Variants in CEP112 observed in about 807,000 individuals in gnomAD.
The protein encoded by CEP112 is centrosomal protein of 112 kDa.
CEP112 carries 127 observed loss-of-function variants against 153.0 expected under a neutral mutation model. That is an observed-to-expected ratio of 0.83 (90% confidence interval 0.72 to 0.96). The LOEUF (loss-of-function observed/expected upper bound fraction) is 0.96. CEP112 is among the 40% of genes least tolerant of loss of function. CEP112 has a pLI of 0.00. For missense variants in CEP112, 1,089 were observed against 1,101.2 expected, an observed-to-expected ratio of 0.99 and a Z score of 0.16; for synonymous variants, 358 against 374.4, an observed-to-expected ratio of 0.96 and a Z score of 0.51.
intron 12 of CEP112, among the ~76,000 whole-genome samples, chr17:66,045,903 A>G (rs1191430524): frequency 6.6e-6 from 1 of 152,106 alleles, no homozygotes; most frequent in Non-Finnish European, 1.5e-5. Flanking sequence ...TAAATTGCCT[A>G]TTTCACTATC....
chr17:66,067,018 C>T (rs1352162654), intron 9 of CEP112, 141 bp from the exon 10 acceptor site: 2 of 572 alleles, frequency 3.5e-3, no homozygotes, highest in African/African-American at 0.02. Flanking sequence ...AAATTATAAA[C>T]ACACACACAC....
At chr17:65,971,217 C>A (rs2062769791) in intron 17 of CEP112, among the ~76,000 whole-genome samples, 1 of 152,160 alleles carries the variant, frequency 6.6e-6, no homozygotes, top group South Asian at 2.1e-4. Context: ...ATGTATATCA[C>A]ATGTATATTA....
At chr17:65,845,915 G>A (rs777578345) in intron 21 of CEP112, among the ~76,000 whole-genome samples, 42 of 152,130 alleles carry the variant, frequency 2.8e-4, no homozygotes, top group Non-Finnish European at 6.0e-4. Flanking sequence ...TATCATTTGG[G>A]TCTAAATTGC....
intron 19 of CEP112, among the ~76,000 whole-genome samples, chr17:65,924,008 G>A (rs547485098): frequency 4.6e-5 from 7 of 151,806 alleles, no homozygotes; most frequent in African/African-American, 1.5e-4. Flanking sequence ...ACAGAGTCTC[G>A]CTCTGTCACC....
chr17:65,881,148 C>T (rs552173382), intron 20 of CEP112, among the ~76,000 whole-genome samples: 13 of 152,184 alleles, frequency 8.5e-5, no homozygotes, highest in African/African-American at 1.9e-4. Context: ...ACCTGGGAGG[C>T]GGAGTTTGCA....
In CEP112 at chr17:65,836,425, A is replaced by G. The variant is rs192952505; in HGVS notation, c.2394+15379T>C. On this transcript the variant is annotated intron_variant, in intron 21 of 26. Coordinates refer to ENST00000535342, the MANE Select transcript of CEP112 (RefSeq NM_001199165.4). ...ACTTCACCTATAAAGACACACACAGACTGAAAGTGAAGAGATAGAAAAGGA... is the reference window on the plus strand; with the variant it reads ...ACTTCACCTATAAAGACACACACAGGCTGAAAGTGAAGAGATAGAAAAGGA... Among the ~76,000 whole-genome samples the G allele has an allele frequency of 1.0e-3, 156 of 152,380 alleles. 1 individual carries two copies. The highest frequency in any genetic ancestry group is 3.7e-3 in the African/African-American group (155 of 41,596).
At chr17:66,021,580 G>A (rs574212613) in intron 16 of CEP112, among the ~76,000 whole-genome samples, 43 of 152,244 alleles carry the variant, frequency 2.8e-4, no homozygotes, top group African/African-American at 1.0e-3. Context: ...GTGAGAGGTG[G>A]GTCCCCCTCC....
intron 21 of CEP112, among the ~76,000 whole-genome samples, chr17:65,755,085 A>G (rs1163928363): frequency 6.6e-6 from 1 of 152,160 alleles, no homozygotes; most frequent in African/African-American, 2.4e-5. Flanking sequence ...ACTTAAAATA[A>G]AAGTTGAAAA....
At chr17:66,018,559 T>A (rs1022349742) in intron 16 of CEP112, among the ~76,000 whole-genome samples, 2 of 152,158 alleles carry the variant, frequency 1.3e-5, no homozygotes, top group African/African-American at 4.8e-5. Context: ...CTTCTATAAA[T>A]CTTTTCACTG....
intron 19 of CEP112, among the ~76,000 whole-genome samples, chr17:65,912,134 G>T (rs2060312190): frequency 6.6e-6 from 1 of 152,138 alleles, no homozygotes; most frequent in African/African-American, 2.4e-5. Context: ...TCACTCATCA[G>T]TCTTGGACAT....
chr17:65,942,307 T>TC (rs935783138), intron 18 of CEP112, among the ~76,000 whole-genome samples: 15 of 152,106 alleles, frequency 9.9e-5, no homozygotes, highest in African/African-American at 3.6e-4. Flanking sequence ...CCCCAAACCA[T>TC]CCTTCAGGTC....
At chr17:65,806,210 C>G (rs1049438216) in intron 21 of CEP112, among the ~76,000 whole-genome samples, 62 of 152,084 alleles carry the variant, frequency 4.1e-4, no homozygotes, top group Admixed American at 4.1e-3. Context: ...CCAGGGGAAA[C>G]AAGCATGCAT....
chr17:65,685,029 A>G (rs1421030), intron 24 of CEP112, among the ~76,000 whole-genome samples: 49,619 of 152,148 alleles, frequency 0.33, 8,352 homozygotes, highest in Middle Eastern at 0.49. Flanking sequence ...GCTGACTTAG[A>G]AAATTTATTT....
At chr17:65,986,758 A>G (rs976372526) in intron 17 of CEP112, among the ~76,000 whole-genome samples, 1 of 152,204 alleles carries the variant, frequency 6.6e-6, no homozygotes, top group Non-Finnish European at 1.5e-5. Context: ...TTCTACAGGT[A>G]AAATAATCCT....
chr17:65,975,627 A>G (rs1330016325), intron 17 of CEP112, among the ~76,000 whole-genome samples: 2 of 152,226 alleles, frequency 1.3e-5, no homozygotes, highest in African/African-American at 4.8e-5. Flanking sequence ...CTATACTGGA[A>G]CTGAACCACA....
intron 23 of CEP112, among the ~76,000 whole-genome samples, chr17:65,729,750 A>T (rs1292052453): frequency 1.3e-5 from 2 of 152,134 alleles, no homozygotes; most frequent in Non-Finnish European, 2.9e-5. Context: ...CTCTATTAAA[A>T]ATACAAAAAC....
rs147812859 is a variant in CEP112, at chr17:65,907,192, G to A, written c.1981-4858C>T. On this transcript the variant is annotated intron_variant, in intron 19 of 26. Transcript: ENST00000535342. The stretch of plus-strand genomic sequence containing the variant: ...GTTAGTAATGATACCTCCTTGTTCT[G>A]TACTCTAGTAGTAATGTACTTTCAC... Among the ~76,000 whole-genome samples the A allele has an allele frequency of 3.2e-3, 483 of 152,212 alleles. 2 individuals carry two copies. Among genetic ancestry groups the A allele is most frequent in the Middle Eastern group, 0.01 (3 of 294 alleles).
chr17:65,788,742 C>T (rs2054422112), intron 21 of CEP112, among the ~76,000 whole-genome samples: 1 of 151,856 alleles, frequency 6.6e-6, no homozygotes, highest in Admixed American at 6.6e-5. Flanking sequence ...TCCTCCTTTC[C>T]CTATTTGTGT....
chr17:66,160,168 A>G (rs1165731281), intron 4 of CEP112, among the ~76,000 whole-genome samples: 2 of 152,172 alleles, frequency 1.3e-5, no homozygotes, highest in African/African-American at 4.8e-5. Context: ...GAGAACTACA[A>G]ACCACTGCCC....
Sources: allele counts gnomAD v4.1 joint callset (sites outside exome capture counted in the v4.1 genomes callset), GRCh38; gene constraint gnomAD v4.1.1; transcripts MANE v1.5; gene names NCBI Gene and HGNC (gene_info 2026-07-23, HGNC 2026-07-21).